Variants in ERBB2 observed in about 807,000 individuals in gnomAD.
ERBB2 encodes the protein erb-b2 receptor tyrosine kinase 2.
Under a neutral mutation model 149.0 loss-of-function variants are expected in ERBB2, and 61 were observed. That is an observed-to-expected ratio of 0.41 (90% CI 0.33 to 0.51). The LOEUF is 0.51. ERBB2 is among the 20% of genes least tolerant of loss of function. The probability of loss-of-function intolerance (pLI) is 0.25; values close to 1 mark genes in which losing one functional copy is unlikely to be tolerated. For synonymous variants in ERBB2, 633 were observed against 678.8 expected (o/e 0.93, Z 1.05); for missense variants, 1,205 against 1,655.1 (o/e 0.73, Z 4.72).
Position 39,724,889 on chromosome 17 carries a change from A to G in ERBB2, c.2471A>G (p.Asn824Ser), listed in dbSNP as rs1354152513. The G allele has an allele frequency of 6.2e-7, 1 of 1,614,146 alleles. No homozygotes were observed. Among genetic ancestry groups the G allele is most frequent in the South Asian group, 1.1e-5 (1 of 91,080 alleles). ...CGCCTGGGCTCCCAGGACCTGCTGA[A>G]CTGGTGTATGCAGATTGCCAAGGTA... The part of the protein sequence containing the change: ...RGRLGSQDLL[N>S]WCMQIAKGMS... Residue 824 changes from asparagine (N) to serine (S), a missense_variant, in exon 20 of 27, where the codon AAC (asparagine) becomes AGC (serine). Around this residue, in one of 6 missense-constraint regions of ERBB2, gnomAD observed 152 missense variants for 318.1 expected, o/e 0.48. Transcript: ENST00000269571.
At chr17:39,696,005 C>T (rs989371739), upstream of ERBB2, among the ~76,000 whole-genome samples, 1 of 152,160 alleles carries the variant, frequency 6.6e-6, no homozygotes, top group Admixed American at 6.5e-5. Flanking sequence ...TTCCCACTCC[C>T]TCTCCCCAGC....
chr17:39,690,403 G>A (rs760900736), upstream of ERBB2, among the ~76,000 whole-genome samples: 19 of 152,238 alleles, frequency 1.2e-4, no homozygotes, highest in African/African-American at 1.7e-4. Context: ...ATTAATTTTC[G>A]CAGCTTTCTT....
chr17:39,719,192 C>T (rs564744909), intron 15 of ERBB2, among the ~76,000 whole-genome samples: 1 of 151,590 alleles, frequency 6.6e-6, no homozygotes, highest in African/African-American at 2.4e-5. Context: ...ACCTGGGCAG[C>T]GGAGGTTGCA....
intron 15 of ERBB2, among the ~76,000 whole-genome samples, chr17:39,718,443 T>C (rs1367889801): frequency 2.6e-5 from 4 of 152,242 alleles, no homozygotes; most frequent in Non-Finnish European, 2.9e-5. Flanking sequence ...TGCACACTTA[T>C]ATAGACATAC....
At chr17:39,724,107 T>C (rs926476552) in intron 19 of ERBB2, 97 bp downstream of exon 19, 12 of 812,578 alleles carry the variant, frequency 1.5e-5, no homozygotes, top group African/African-American at 3.5e-5. Flanking sequence ...TGGGGAGATA[T>C]GACTCCCGCA....
At position 39,726,756 on chromosome 17, in the gene ERBB2, C is replaced by A. The variant is rs1393993011; in HGVS notation, c.2971-59C>A. 6.3e-7 allele frequency: 1 copy of A among 1,592,590 alleles called. No individual in the cohort carries two copies. On this transcript the variant is annotated intron_variant, in intron 24 of 26. Transcript: ENST00000269571. The surrounding 1 kb of genome is among the most constrained non-coding windows in gnomAD (Gnocchi z 5.1). ...TGAGTCCAGTATGCCAGGCCCCTCA[C>A]GGAAGGCTGCATGCTGGGCTGGGGA...
chr17:39,724,758 A>C lies in ERBB2; in HGVS notation c.2340A>C (p.Pro780=), dbSNP rs2145848411. The change falls in exon 20 of 27, where the codon CCA becomes CCC. Residue 780 remains proline, a synonymous_variant. Coordinates refer to ENST00000269571, the MANE Select transcript of ERBB2 (RefSeq NM_004448.4). The part of the protein sequence containing the change: ...EAYVMAGVGS[P]YVSRLLGICL... The stretch of plus-strand genomic sequence containing the variant: ...ACGTGATGGCTGGTGTGGGCTCCCC[A>C]TATGTCTCCCGCCTTCTGGGCATCT... 6.2e-7 allele frequency: 1 copy of C among 1,614,106 alleles called. No homozygotes were observed. Among genetic ancestry groups the C allele is most frequent in the Non-Finnish European group, 8.5e-7 (1 of 1,180,024 alleles).
rs2145517187 is a variant in ERBB2 at position 39,710,344 on chromosome 17, G to T, written c.764G>T (p.Cys255Phe). The stretch of plus-strand genomic sequence containing the variant: ...GCCAGCCACCTGTCCCCCCAGGCCT[G>T]CCTCCACTTCAACCACAGTGGCATC... ...TGPKHSDCLA[C>F]LHFNHSGICE... Residue 255 changes from cysteine to phenylalanine, a missense_variant, in exon 7 of 27, where the codon TGC (cysteine) becomes TTC (phenylalanine). Cys to Phe is a radical substitution (Grantham distance 205, BLOSUM62 -2). This residue lies in a region of ERBB2 where 569 missense variants were observed against 803.5 expected (regional missense o/e 0.71). Coordinates refer to ENST00000269571, the MANE Select transcript of ERBB2 (RefSeq NM_004448.4). 6.2e-7 allele frequency: 1 copy of T among 1,614,122 alleles called. No homozygotes were observed. The highest frequency in any genetic ancestry group is 8.5e-7 in the Non-Finnish European group (1 of 1,180,038).
At position 39,710,186 on chromosome 17, in the gene ERBB2, G is replaced by A. The variant is rs1439075439; in HGVS notation, c.744G>A (p.Lys248=). The A allele has an allele frequency of 5.0e-6, 8 of 1,612,742 alleles. No individual in the cohort carries two copies. The highest frequency in any genetic ancestry group is 6.8e-6 in the Non-Finnish European group (8 of 1,179,644). ...EQCAAGCTGP[K]HSDCLACLHF... The stretch of plus-strand genomic sequence containing the variant: ...GTGCTGCCGGCTGCACGGGCCCCAA[G>A]CACTCTGACTGCCTGGTATGTGCCT... The change falls in exon 6 of 27, where the codon AAG becomes AAA. Residue 248 remains lysine, a synonymous_variant. Transcript: ENST00000269571.
intron 15 of ERBB2, 59 bp downstream of exon 15, chr17:39,717,539 G>T (rs2145715933): frequency 1.4e-6 from 2 of 1,450,528 alleles, no homozygotes; most frequent in South Asian, 1.3e-5. Context: ...GTCTTTCTGG[G>T]GCTCTTACTA....
At position 39,700,202 on chromosome 17, in the gene ERBB2, C is replaced by G. The variant is rs748926804; in HGVS notation, c.-37C>G. 1.4e-6 allele frequency: 2 copies of G among 1,413,478 alleles called. No homozygotes were observed. The highest frequency in any genetic ancestry group is 5.9e-5 in the Admixed American group (2 of 34,134). 87.6% of individuals were successfully genotyped at this position (1,413,478 alleles called of 1,614,324 possible). A position where few individuals can be genotyped will look rare whatever the true frequency, so the allele number is the denominator to read the frequency against. On this transcript the variant is annotated 5_prime_UTR_variant, in exon 1 of 27. Coordinates refer to ENST00000269571, the MANE Select transcript of ERBB2 (RefSeq NM_004448.4). ...CGCCCCGCGCCCTCCCAGCCGGGTC[C>G]AGCCGGAGCCATGGGGCCGGAGCCG...
At chr17:39,715,565 G>GGGGAGGAGTCCCA (rs779252134) in intron 11 of ERBB2, 29 bp downstream of exon 11, 4 of 1,605,746 alleles carry the variant, frequency 2.5e-6, no homozygotes, top group Non-Finnish European at 3.4e-6. Context: ...GGGGCCTGAT[G>GGGGAGGAGTCCCA]GGGAGGAGTC....
chr17:39,691,737 A>G (rs908206067), upstream of ERBB2, among the ~76,000 whole-genome samples: 2 of 148,930 alleles, frequency 1.3e-5, no homozygotes, highest in Non-Finnish European at 3.0e-5. Flanking sequence ...AAGAAAAAGG[A>G]AACAACTAAA....
intron 9 of ERBB2, among the ~76,000 whole-genome samples, chr17:39,714,164 T>C (rs1306677948): frequency 1.3e-5 from 2 of 152,100 alleles, no homozygotes; most frequent in Non-Finnish European, 2.9e-5. Context: ...AGACCGTTTA[T>C]GCATCTGTAG....
chr17:39,717,044 T>G (rs1214854293), intron 14 of ERBB2: 1 of 463,804 alleles, frequency 2.2e-6, no homozygotes, highest in Admixed American at 3.7e-5. Context: ...CAGTGACTGT[T>G]GTTACTCGCT....
In ERBB2 at chr17:39,724,925, C is replaced by A. The variant is rs921436484; in HGVS notation, c.2493+14C>A. 1.2e-6 allele frequency: 2 copies of A among 1,612,376 alleles called. No homozygotes were observed. The highest frequency in any genetic ancestry group is 2.7e-5 in the African/African-American group (2 of 74,884). On this transcript the variant is annotated intron_variant, in intron 20 of 26. Transcript: ENST00000269571. ...CAGATTGCCAAGGTATGCACCTGGG[C>A]TCTTTGCAGGTCTCTCCGGAGCAAA... is the stretch of plus-strand genomic sequence containing the variant.
rs753474170 is a variant in ERBB2, at chr17:39,710,202, G to A, written c.759+1G>A. 6.2e-7 allele frequency: 1 copy of A among 1,612,464 alleles called. No homozygotes were observed. The highest frequency in any genetic ancestry group is 1.3e-5 in the African/African-American group (1 of 75,050). ...GGGCCCCAAGCACTCTGACTGCCTG[G>A]TATGTGCCTCTGCTTTGTGCCCAAT... On this transcript the variant is annotated splice_donor_variant, in intron 6 of 26. Coordinates refer to ENST00000269571, the MANE Select transcript of ERBB2 (RefSeq NM_004448.4). LOFTEE classifies it high-confidence loss of function.
upstream of ERBB2, chr17:39,699,617 A>G (rs4252597): frequency 8.5e-6 from 11 of 1,290,148 alleles, no homozygotes; most frequent in Admixed American, 2.0e-4. Flanking sequence ...CTCCTTGACT[A>G]TCAATTTTAC....
At chr17:39,690,225 G>C (rs1471148567), upstream of ERBB2, among the ~76,000 whole-genome samples, 1 of 152,022 alleles carries the variant, frequency 6.6e-6, no homozygotes, top group Non-Finnish European at 1.5e-5. Flanking sequence ...AGCTGGGACT[G>C]CAGCATGCGC....
Sources: gnomAD v4.1 joint callset for allele counts (sites outside exome capture counted in the v4.1 genomes callset) on GRCh38, gnomAD v4.1.1 for gene constraint, gnomAD v4.1.1 regional missense constraint, Gnocchi (gnomAD v3.1) non-coding constraint, MANE v1.5 for transcripts, NCBI Gene and HGNC (gene_info 2026-07-23, HGNC 2026-07-21) for gene names.